Variants in SLC7A14 observed in about 807,000 individuals in gnomAD.
SLC7A14 encodes gamma-aminobutyric acid transporter SLC7A14.
In SLC7A14, 37 loss-of-function variants were observed where a neutral mutation model predicts 60.2. That is an observed-to-expected ratio of 0.61 (90% CI 0.47 to 0.81). The LOEUF (loss-of-function observed/expected upper bound fraction) is 0.81, where lower values mean the gene tolerates loss of function less well. SLC7A14 is among the 30% of genes least tolerant of loss of function. The pLI, the probability that SLC7A14 is intolerant of heterozygous loss-of-function variation, is 0.00. For synonymous variants in SLC7A14, 399 were observed against 395.8 expected, an observed-to-expected ratio of 1.01 and a Z score of -0.10; for missense variants, 886 against 982.7, an observed-to-expected ratio of 0.90 and a Z score of 1.32.
chr3:170,472,043 A>G (rs1739924641), intron 7 of SLC7A14, among the ~76,000 whole-genome samples: 1 of 152,044 alleles, frequency 6.6e-6, no homozygotes, highest in Admixed American at 6.6e-5. Flanking sequence ...TGTGTGCAGG[A>G]AAGTGACTAG....
At chr3:170,495,920 G>A (rs986360146) in intron 4 of SLC7A14, 22 of 1,439,588 alleles carry the variant, frequency 1.5e-5, no homozygotes, top group Admixed American at 1.7e-5. Flanking sequence ...AGCTGGAGGC[G>A]GAGCTTGGCA....
chr3:170,470,289 G>T (rs555427809), intron 7 of SLC7A14, among the ~76,000 whole-genome samples: 65 of 142,832 alleles, frequency 4.6e-4, no homozygotes, highest in Non-Finnish European at 7.8e-4. Context: ...CTTTGGGAGT[G>T]GCCAGGCCTG....
At chr3:170,497,437 C>T (rs910399546) in intron 4 of SLC7A14, among the ~76,000 whole-genome samples, 1 of 125,844 alleles carries the variant, frequency 7.9e-6, no homozygotes, top group Non-Finnish European at 1.6e-5. Context: ...TGGCGTGGTT[C>T]GGAATAAACA....
chr3:170,480,776 T>G lies in SLC7A14; in HGVS notation c.1506A>C (p.Ser502=). 1 of 1,614,198 alleles carries G rather than the reference T, an allele frequency of 6.2e-7. No homozygotes were observed. Among genetic ancestry groups the G allele is most frequent in the Middle Eastern group, 1.7e-4 (1 of 6,060 alleles). The change falls in exon 7 of 8, where the codon TCA becomes TCC. Residue 502 remains serine, a synonymous_variant. Transcript: ENST00000231706. ...AATTGGGGTGGTTGACGTTGTAGGTTGACTTGTCTGATTTCCCTATGAGCA... is the reference window on the plus strand; with the variant it reads ...AATTGGGGTGGTTGACGTTGTAGGTGGACTTGTCTGATTTCCCTATGAGCA... ...NEMLIGKSDK[S]TYNVNHPNYG...
Position 170,526,635 on chromosome 3 carries a change from G to A in SLC7A14, c.302C>T (p.Ser101Leu). The change falls in exon 2 of 8, where the codon TCA becomes TTA. Residue 101 changes from serine to leucine, a missense_variant and splice_region_variant. Transcript: ENST00000231706. ...CTTCCCTGCATGGAGACACTTACCTGATAATATGGATGCGACGGCTGCAAT... is the reference window on the plus strand; with the variant it reads ...CTTCCCTGCATGGAGACACTTACCTAATAATATGGATGCGACGGCTGCAAT... Reference protein sequence around the residue: ...FIIAAVASILSGVCYAEFGVR... With the variant: ...FIIAAVASILLGVCYAEFGVR... 6.2e-7 allele frequency: 1 copy of A among 1,613,828 alleles called. No homozygotes were observed. Among genetic ancestry groups the A allele is most frequent in the Non-Finnish European group, 8.5e-7 (1 of 1,179,926 alleles).
intron 4 of SLC7A14, chr3:170,495,866 C>G (rs1428225153): frequency 9.4e-6 from 12 of 1,274,764 alleles, no homozygotes; most frequent in Non-Finnish European, 1.4e-5. Flanking sequence ...GCTACATGAA[C>G]AACCTTAGGC....
intron 1 of SLC7A14, among the ~76,000 whole-genome samples, chr3:170,554,371 G>A (rs184753037): frequency 2.0e-5 from 3 of 152,324 alleles, no homozygotes; most frequent in Admixed American, 2.0e-4. Context: ...AGTTCTTGTA[G>A]GAGGTTTATT....
chr3:170,494,783 G>T (rs771437117), intron 4 of SLC7A14, among the ~76,000 whole-genome samples: 1 of 152,210 alleles, frequency 6.6e-6, no homozygotes, highest in African/African-American at 2.4e-5. Flanking sequence ...ATCTCTTAAT[G>T]TTCCTCCAAG....
chr3:170,512,475 A>G (rs1047467376), intron 2 of SLC7A14, among the ~76,000 whole-genome samples: 77 of 152,188 alleles, frequency 5.1e-4, no homozygotes, highest in Middle Eastern at 3.4e-3. Flanking sequence ...GGCTTGCAGG[A>G]GAGAATCTTT....
intron 1 of SLC7A14, among the ~76,000 whole-genome samples, chr3:170,552,992 CA>C (rs1577557650): frequency 6.6e-6 from 1 of 152,214 alleles, no homozygotes; most frequent in African/African-American, 2.4e-5. Flanking sequence ...TTGAAAATCA[CA>C]TTCATCCTTT....
intron 4 of SLC7A14, chr3:170,496,150 C>T (rs1279079681): frequency 9.6e-6 from 9 of 935,172 alleles, no homozygotes; most frequent in Non-Finnish European, 1.6e-5. Flanking sequence ...TCCCAGATCT[C>T]GGGCACGTCT....
chr3:170,569,454 A>G (rs1433046325), intron 1 of SLC7A14, among the ~76,000 whole-genome samples: 1 of 151,788 alleles, frequency 6.6e-6, no homozygotes, highest in Non-Finnish European at 1.5e-5. Flanking sequence ...TTCATCAAGG[A>G]TATTGGTCTA....
At chr3:170,546,225 G>A (rs112517860) in intron 1 of SLC7A14, among the ~76,000 whole-genome samples, 19 of 152,298 alleles carry the variant, frequency 1.2e-4, no homozygotes, top group African/African-American at 4.6e-4. Context: ...GTTACCTGGT[G>A]GAGAGGAGCA....
chr3:170,496,649 T>G (rs1485456757), intron 4 of SLC7A14: 2 of 1,358,996 alleles, frequency 1.5e-6, no homozygotes, highest in Non-Finnish European at 2.1e-6. Flanking sequence ...GAGTCTGGGA[T>G]GCAGAACACG....
chr3:170,479,890 A>G (rs547077739), intron 7 of SLC7A14, among the ~76,000 whole-genome samples: 3 of 152,314 alleles, frequency 2.0e-5, no homozygotes, highest in South Asian at 4.1e-4. Flanking sequence ...GAAATCTAAG[A>G]TAGTTTTTCA....
chr3:170,550,704 T>A (rs1714323875), intron 1 of SLC7A14, among the ~76,000 whole-genome samples: 1 of 151,686 alleles, frequency 6.6e-6, no homozygotes, highest in African/African-American at 2.4e-5. Context: ...ATATTTTTAG[T>A]AGAGACGGGG....
intron 7 of SLC7A14, among the ~76,000 whole-genome samples, chr3:170,472,142 G>C (rs1452264558): frequency 6.6e-6 from 1 of 151,328 alleles, no homozygotes; most frequent in Non-Finnish European, 1.5e-5. Flanking sequence ...GCCGAGACAG[G>C]TGGATCACCT....
Position 170,466,171 on chromosome 3 carries a change from T to C in SLC7A14, c.*884A>G, listed in dbSNP as rs1577487563. ...TCAGTGGCTGGCTCACTTCTCCTTG[T>C]AAAAATTTTTATCTGATTATAAAAC... On this transcript the variant is annotated 3_prime_UTR_variant, in exon 8 of 8. Transcript: ENST00000231706. 1 of 152,218 alleles carries C rather than the reference T, an allele frequency of 6.6e-6. No individual in the cohort carries two copies. The highest frequency in any genetic ancestry group is 2.4e-5 in the African/African-American group (1 of 41,452). The allele number at this position is 152,218 out of a possible 1,614,324, so 9.4% of individuals were successfully genotyped here. A position where few individuals can be genotyped will look rare whatever the true frequency, so the allele number is the denominator to read the frequency against.
At chr3:170,497,803 G>A (rs1370113894) in intron 4 of SLC7A14, among the ~76,000 whole-genome samples, 1 of 152,198 alleles carries the variant, frequency 6.6e-6, no homozygotes, top group Non-Finnish European at 1.5e-5. Flanking sequence ...TAAAGAATTT[G>A]CCTCTCTGAC....
Sources: allele counts gnomAD v4.1 joint callset (sites outside exome capture counted in the v4.1 genomes callset), GRCh38; gene constraint gnomAD v4.1.1; transcripts MANE v1.5; gene names NCBI Gene and HGNC (gene_info 2026-07-23, HGNC 2026-07-21).